Variants in MROH7 observed in about 807,000 individuals in gnomAD.
The protein encoded by MROH7 is maestro heat-like repeat-containing protein family member 7.
A neutral mutation model predicts 129.2 loss-of-function variants in MROH7; 113 were observed. The ratio of observed to expected loss-of-function variants is 0.87; its 90% CI spans 0.75 to 1.02. The LOEUF (loss-of-function observed/expected upper bound fraction) is 1.02, where lower values mean the gene tolerates loss of function less well. MROH7 is among the 50% of genes least tolerant of loss of function. The pLI, the probability that MROH7 is intolerant of heterozygous loss-of-function variation, is 0.00. For synonymous variants in MROH7, 655 were observed against 667.9 expected (o/e 0.98, Z 0.30); for missense variants, 1,601 against 1,671.3 (o/e 0.96, Z 0.73).
chr1:54,701,768 A>G (rs565621394), intron 19 of MROH7, among the ~76,000 whole-genome samples: 8 of 151,794 alleles, frequency 5.3e-5, no homozygotes, highest in African/African-American at 1.7e-4. Context: ...GGGTTTCCCT[A>G]TGTTGCCCAG....
At chr1:54,672,630 G>A (rs1271649087) in intron 7 of MROH7, among the ~76,000 whole-genome samples, 1 of 152,122 alleles carries the variant, frequency 6.6e-6, no homozygotes, top group Non-Finnish European at 1.5e-5. Flanking sequence ...AGTAAGATTG[G>A]CTCTTTCATT....
rs951517019 is a variant in MROH7 at position 54,703,638 on chromosome 1, G to A, written c.3564+893G>A. Among the ~76,000 whole-genome samples, 12 of 151,962 alleles carry A rather than the reference G, an allele frequency of 7.9e-5. No homozygotes were observed. Among genetic ancestry groups the A allele is most frequent in the African/African-American group, 2.7e-4 (11 of 41,358 alleles). Reference sequence around the variant, plus strand: ...GTAGGAGCAAGCCGCGTGCATGTGCGCGCGCGCATACACACACACACACAA... The same window carrying A: ...GTAGGAGCAAGCCGCGTGCATGTGCACGCGCGCATACACACACACACACAA... On this transcript the variant is annotated intron_variant, in intron 21 of 23. Coordinates refer to ENST00000421030, the MANE Select transcript of MROH7 (RefSeq NM_001039464.4). The surrounding 1 kb of genome is among the most constrained non-coding windows in gnomAD (Gnocchi z 4.4).
At chr1:54,654,241 G>A (rs1056238345) in intron 3 of MROH7, 84 bp downstream of exon 3, 8 of 1,323,502 alleles carry the variant, frequency 6.0e-6, no homozygotes, top group Non-Finnish European at 7.1e-6. Context: ...AGAGGAGAAG[G>A]AAGGAAGGGG....
At chr1:54,695,754 C>A (rs536604658) in intron 17 of MROH7, 1 of 495,734 alleles carries the variant, frequency 2.0e-6, no homozygotes, top group African/African-American at 1.9e-5. Context: ...GTGTCAGGCA[C>A]GAGACATATA....
intron 17 of MROH7, chr1:54,697,918 A>G (rs1487974817): frequency 4.5e-6 from 2 of 439,804 alleles, no homozygotes; most frequent in African/African-American, 2.0e-5. Context: ...TCTAGGTTTA[A>G]CTTCTCCCCA....
At chr1:54,660,559 A>C (rs924429103) in intron 3 of MROH7, among the ~76,000 whole-genome samples, 2 of 152,252 alleles carry the variant, frequency 1.3e-5, no homozygotes, top group African/African-American at 2.4e-5. Context: ...CACGCCTGTA[A>C]TCCCAGCACT....
rs766025899 is a variant in MROH7, at chr1:54,701,226, C to T, written c.3189C>T (p.His1063=). Residue 1063 remains histidine (H), a synonymous_variant, in exon 19 of 24, where the codon CAC becomes CAT. Transcript: ENST00000421030. ...GGATGCTGGTGGTGGAAGCGGTCCACAACCTCAAGGCTGTCTTCAAGGGGC... is the reference window on the plus strand; with the variant it reads ...GGATGCTGGTGGTGGAAGCGGTCCATAACCTCAAGGCTGTCTTCAAGGGGC... The part of the protein sequence containing the change: ...MDGMLVVEAV[H]NLKAVFKGRD... 1 of 1,614,226 alleles carries T rather than the reference C, an allele frequency of 6.2e-7. No individual in the cohort carries two copies. Among genetic ancestry groups the T allele is most frequent in the Admixed American group, 1.7e-5 (1 of 60,026 alleles).
chr1:54,655,951 T>C (rs1286655444), intron 3 of MROH7, among the ~76,000 whole-genome samples: 1 of 148,712 alleles, frequency 6.7e-6, no homozygotes, highest in Non-Finnish European at 1.5e-5. Context: ...TGGAGTGTAA[T>C]GGCATGATCT....
chr1:54,699,169 T>TC (rs1645386610), intron 17 of MROH7: 1 of 114,492 alleles, frequency 8.7e-6, no homozygotes, highest in African/African-American at 3.1e-5. Flanking sequence ...TTTTCTTTCT[T>TC]TCTTTCTTTC....
At chr1:54,688,544 C>T (rs72905816) in intron 15 of MROH7, among the ~76,000 whole-genome samples, 5,153 of 152,228 alleles carry the variant, frequency 0.034, 277 homozygotes, top group African/African-American at 0.12. Flanking sequence ...GGATTCAAAT[C>T]GTGGCTTCAT....
chr1:54,684,017 T>G (rs1262946675), intron 14 of MROH7, among the ~76,000 whole-genome samples: 2 of 152,240 alleles, frequency 1.3e-5, no homozygotes. Flanking sequence ...GTGCTCACCA[T>G]GATATCCCCA....
At chr1:54,709,134 C>G in intron 23 of MROH7, 58 bp downstream of exon 23, 1 of 1,518,560 alleles carries the variant, frequency 6.6e-7, no homozygotes, top group South Asian at 1.1e-5. Context: ...TGAGTAGAAT[C>G]ACAGTGGGTA....
chr1:54,674,258 T>C, intron 10 of MROH7, 107 bp downstream of exon 10: 2 of 1,324,724 alleles, frequency 1.5e-6, no homozygotes, highest in Admixed American at 2.3e-5. Context: ...TGGTGGGAGA[T>C]GGGGGAAACC....
At chr1:54,675,596 G>C (rs1369010496) in intron 10 of MROH7, among the ~76,000 whole-genome samples, 1 of 138,820 alleles carries the variant, frequency 7.2e-6, no homozygotes, top group African/African-American at 2.7e-5. Context: ...GGCTCGGGAC[G>C]CTGCCTTTTT....
chr1:54,686,913 G>C (rs1389612194), intron 15 of MROH7, among the ~76,000 whole-genome samples: 1 of 152,140 alleles, frequency 6.6e-6, no homozygotes, highest in African/African-American at 2.4e-5. Flanking sequence ...CCCAGAGGAG[G>C]ATTATGCAGG....
In MROH7 at chr1:54,679,235, T is replaced by A. The variant is rs1179760477; in HGVS notation, c.2050-28T>A. 2.5e-6 allele frequency: 4 copies of A among 1,612,952 alleles called. No individual in the cohort carries two copies. In the African/African-American group the frequency reaches 5.3e-5, roughly 22 times the overall value. On this transcript the variant is annotated intron_variant, in intron 11 of 23. Coordinates refer to ENST00000421030, the MANE Select transcript of MROH7 (RefSeq NM_001039464.4). ...TCAAAGCTCGGGCTACCCATCAGTG[T>A]GTCATGATCTCAGCACCTTTGTTTC...
In MROH7 at chr1:54,700,400, A is replaced by G. The variant is rs1229852450; in HGVS notation, c.3044A>G (p.Asp1015Gly). Residue 1015 changes from aspartate to glycine, a missense_variant, in exon 18 of 24, where the codon GAC becomes GGC. By Grantham distance (94) the Asp-to-Gly change is moderately conservative. Transcript: ENST00000421030. Reference sequence around the variant, plus strand: ...ATGGCAGAAGGCCTGAGCCACCACGACCCCATCATGAAGGTGCTGTCCATT... The same window carrying G: ...ATGGCAGAAGGCCTGAGCCACCACGGCCCCATCATGAAGGTGCTGTCCATT... ...GRMAEGLSHH[D>G]PIMKVLSIRG... is the part of the protein sequence containing the mutation. The G allele has an allele frequency of 6.2e-7, 1 of 1,613,694 alleles. No individual in the cohort carries two copies. The highest frequency in any genetic ancestry group is 1.7e-5 in the Admixed American group (1 of 59,974).
At chr1:54,697,733 T>C in intron 17 of MROH7, 1 of 700,270 alleles carries the variant, frequency 1.4e-6, no homozygotes, top group Non-Finnish European at 2.6e-6. Context: ...GCTCAGAGAG[T>C]CCAGAGAGAT....
At chr1:54,672,844 G>A (rs543795182) in intron 7 of MROH7, among the ~76,000 whole-genome samples, 6 of 152,064 alleles carry the variant, frequency 3.9e-5, no homozygotes, top group South Asian at 2.1e-4. Flanking sequence ...CTGGATCTCC[G>A]CTTCCCTCCT....
Sources: gnomAD v4.1 joint callset for allele counts (sites outside exome capture counted in the v4.1 genomes callset) on GRCh38, gnomAD v4.1.1 for gene constraint, Gnocchi (gnomAD v3.1) non-coding constraint, MANE v1.5 for transcripts, NCBI Gene and HGNC (gene_info 2026-07-23, HGNC 2026-07-21) for gene names.